Variants in BRDT observed in about 807,000 individuals in gnomAD.
BRDT encodes the protein bromodomain testis-specific protein.
BRDT carries 77 observed loss-of-function variants against 113.9 expected under a neutral mutation model. The ratio of observed to expected loss-of-function variants is 0.68; its 90% CI spans 0.56 to 0.82. BRDT has a LOEUF of 0.82. BRDT is among the 40% of genes least tolerant of loss of function. The pLI is 0.00. For synonymous variants in BRDT, 358 were observed against 366.5 expected (o/e 0.98, Z 0.26); for missense variants, 1,027 against 1,105.4 (o/e 0.93, Z 1.01).
intron 1 of BRDT, among the ~76,000 whole-genome samples, chr1:91,954,866 T>C (rs1304390883): frequency 1.3e-5 from 2 of 151,458 alleles, no homozygotes; most frequent in Admixed American, 6.6e-5. Context: ...GGGAGGCTGA[T>C]GTGGGAGGAT....
At chr1:91,960,989 T>C (rs1682383143) in intron 1 of BRDT, among the ~76,000 whole-genome samples, 1 of 152,230 alleles carries the variant, frequency 6.6e-6, no homozygotes. Flanking sequence ...CAGAGTAACA[T>C]TTTAATCTAA....
At position 91,980,690 on chromosome 1, in the gene BRDT, C is replaced by T. The variant is rs778322933; in HGVS notation, c.1335C>T (p.Phe445=). The change falls in exon 9 of 19, where the codon TTC becomes TTT. Residue 445 remains phenylalanine (F), a synonymous_variant. Transcript: ENST00000399546. Reference sequence around the variant, plus strand: ...TCCAGGTTTTGTCCCAAGTACCTTTCCGTAAGCTAAATAAAAAGAAAGAGA... The same window carrying T: ...TCCAGGTTTTGTCCCAAGTACCTTTTCGTAAGCTAAATAAAAAGAAAGAGA... ...QQLQVLSQVP[F]RKLNKKKEKS... is the part of the protein sequence containing the mutation. The T allele has an allele frequency of 6.2e-7, 1 of 1,602,614 alleles. No individual in the cohort carries two copies. Among genetic ancestry groups the T allele is most frequent in the Non-Finnish European group, 8.5e-7 (1 of 1,177,618 alleles).
chr1:91,951,131 C>T (rs1329684910), intron 1 of BRDT, among the ~76,000 whole-genome samples: 1 of 152,168 alleles, frequency 6.6e-6, no homozygotes, highest in Non-Finnish European at 1.5e-5. Flanking sequence ...ATTCTTCTGC[C>T]TAAGCCTACT....
chr1:91,979,883 G>A, intron 8 of BRDT, 126 bp downstream of exon 8: 1 of 728,038 alleles, frequency 1.4e-6, no homozygotes, highest in Admixed American at 3.5e-5. Context: ...TTTACTTATT[G>A]GCAAATTTGT....
At position 91,958,234 on chromosome 1, in the gene BRDT, T is replaced by TTTTA. The variant is rs60172844; in HGVS notation, c.-37-4484_-37-4483insTTTA. Among the ~76,000 whole-genome samples, 11 of 147,316 alleles carry TTTTA rather than the reference T, an allele frequency of 7.5e-5. No homozygotes were observed. The East Asian group carries it at 2.2e-3, about 29-fold the overall frequency. On this transcript the variant is annotated intron_variant, in intron 1 of 18. Transcript: ENST00000399546. ...ATGCCCTTTTTTTTTTTTTTTTTTT[T>TTTTA]AAAAGGAGTCTCACTCTGTCACCTA...
At chr1:91,992,386 A>T (rs955049530) in intron 14 of BRDT, 72 bp downstream of exon 14, 10 of 777,910 alleles carry the variant, frequency 1.3e-5, no homozygotes, top group Admixed American at 7.7e-5. Flanking sequence ...CTTACTTTTT[A>T]AAATAAGTAA....
At chr1:91,992,339 G>A in intron 14 of BRDT, 25 bp downstream of exon 14, 1 of 1,347,308 alleles carries the variant, frequency 7.4e-7, no homozygotes, top group Middle Eastern at 2.0e-4. Context: ...GTGTTTTAAA[G>A]AACAGGGGAA....
intron 1 of BRDT, chr1:91,950,887 T>TG (rs973328012): frequency 1.3e-5 from 2 of 151,718 alleles, no homozygotes; most frequent in Admixed American, 1.3e-4. Context: ...TAGCCGGGCA[T>TG]GGTGGTGGGT....
At chr1:91,952,053 A>C (rs779544641) in intron 1 of BRDT, 1 of 152,238 alleles carries the variant, frequency 6.6e-6, no homozygotes, top group African/African-American at 2.4e-5. Context: ...AAGAGACTGT[A>C]TCCCCAAATT....
chr1:92,012,837 G>A (rs1388661695), intron 18 of BRDT, among the ~76,000 whole-genome samples: 6 of 152,098 alleles, frequency 3.9e-5, no homozygotes, highest in Non-Finnish European at 7.4e-5. Flanking sequence ...CTGAGCCTGC[G>A]AGGCAGAGGT....
intron 1 of BRDT, 120 bp from the exon 2 acceptor site, chr1:91,962,598 T>C: frequency 2.0e-6 from 1 of 493,466 alleles, no homozygotes; most frequent in South Asian, 4.8e-5. Context: ...CCTCCCAAAG[T>C]GTTGAGATTA....
chr1:92,003,670 C>A (rs1339727791), intron 16 of BRDT, among the ~76,000 whole-genome samples: 1 of 152,076 alleles, frequency 6.6e-6, no homozygotes, highest in Admixed American at 6.6e-5. Context: ...AATTATAGAT[C>A]AATTGTTTCT....
chr1:91,981,561 A>T (rs776629095), intron 11 of BRDT, 57 bp from the exon 12 acceptor site: 274 of 1,595,660 alleles, frequency 1.7e-4, no homozygotes, highest in Non-Finnish European at 2.3e-4. Flanking sequence ...CAGTTTTTAA[A>T]TGTTCCTGCA....
At chr1:91,971,738 G>A (rs1683643955) in intron 4 of BRDT, among the ~76,000 whole-genome samples, 1 of 152,152 alleles carries the variant, frequency 6.6e-6, no homozygotes, top group Admixed American at 6.6e-5. Flanking sequence ...ATTGAGAAGT[G>A]AAGATTTGAA....
chr1:92,010,080 G>T lies in BRDT; in HGVS notation c.2776-4126G>T, dbSNP rs571462240. Reference sequence around the variant, plus strand: ...CATTTGTATTGATCACTGGGTTTCAGCAATTGTTTTCTTCATGTTTCTTGT... The same window carrying T: ...CATTTGTATTGATCACTGGGTTTCATCAATTGTTTTCTTCATGTTTCTTGT... On this transcript the variant is annotated intron_variant, in intron 18 of 18. Transcript: ENST00000399546. Among the ~76,000 whole-genome samples, 4 of 151,966 alleles carry T rather than the reference G, an allele frequency of 2.6e-5. No individual in the cohort carries two copies. In the East Asian group the frequency reaches 5.8e-4, roughly 22 times the overall value.
At chr1:91,973,519 T>C (rs1683830673) in intron 4 of BRDT, among the ~76,000 whole-genome samples, 2 of 152,198 alleles carry the variant, frequency 1.3e-5, no homozygotes, top group Admixed American at 1.3e-4. Flanking sequence ...GTTGGATTCC[T>C]AGGTATTTTA....
intron 15 of BRDT, among the ~76,000 whole-genome samples, chr1:91,997,315 A>G (rs1475280546): frequency 6.6e-6 from 1 of 152,166 alleles, no homozygotes; most frequent in Non-Finnish European, 1.5e-5. Context: ...AGTGAATGTA[A>G]AGCATTCTTT....
At position 91,994,064 on chromosome 1, in the gene BRDT, T is replaced by C. The variant is rs764357242; in HGVS notation, c.2116-19T>C. 2.5e-6 allele frequency: 4 copies of C among 1,579,580 alleles called. No homozygotes were observed. In the Admixed American group the frequency reaches 7.6e-5, roughly 30 times the overall value. On this transcript the variant is annotated intron_variant, in intron 14 of 18. Transcript: ENST00000399546. ...TGTATGGTTAAAACTAAGTGATAAC[T>C]TTGATTTTGTTTTAACAGATAGGAT...
intron 1 of BRDT, among the ~76,000 whole-genome samples, chr1:91,961,746 A>AT (rs1682470589): frequency 6.6e-6 from 1 of 152,148 alleles, no homozygotes; most frequent in South Asian, 2.1e-4. Context: ...CACACTGATC[A>AT]TATCTTTAAC....
Sources: allele counts gnomAD v4.1 joint callset (sites outside exome capture counted in the v4.1 genomes callset), GRCh38; gene constraint gnomAD v4.1.1; transcripts MANE v1.5; gene names NCBI Gene and HGNC (gene_info 2026-07-23, HGNC 2026-07-21).